Variants in RB1 observed in about 807,000 individuals in gnomAD.
The protein encoded by RB1 is RB transcriptional corepressor 1.
In RB1, 18 loss-of-function variants were observed where a neutral mutation model predicts 135.4. That is an observed-to-expected ratio of 0.13 (90% CI 0.09 to 0.20). The LOEUF (loss-of-function observed/expected upper bound fraction) is 0.20, where lower values mean the gene tolerates loss of function less well. RB1 is among the 10% of genes least tolerant of loss of function. The pLI, the probability that RB1 is intolerant of heterozygous loss-of-function variation, is 1.00. For missense variants in RB1, 868 were observed against 1,110.0 expected (o/e 0.78, Z 3.10); for synonymous variants, 365 against 373.2 (o/e 0.98, Z 0.25).
chr13:48,370,189 A>G (rs1490055133), intron 11 of RB1, among the ~76,000 whole-genome samples: 1 of 152,194 alleles, frequency 6.6e-6, no homozygotes, highest in African/African-American at 2.4e-5. Flanking sequence ...AGCATGTTCA[A>G]AGGGCTGGAA....
chr13:48,463,937 T>G lies in RB1; in HGVS notation c.2211+102T>G, dbSNP rs1949420902. 16 of 742,266 alleles carry G rather than the reference T, an allele frequency of 2.2e-5. No homozygotes were observed. The South Asian group carries it at 2.5e-4, about 12-fold the overall frequency. The allele number at this position is 742,266 out of a possible 1,614,324, so 46.0% of individuals were successfully genotyped here. Reference sequence around the variant, plus strand: ...TTTATTCATTAATGAGATCATATATTCTGTCTGACCTTATTATGTAAATTC... The same window carrying G: ...TTTATTCATTAATGAGATCATATATGCTGTCTGACCTTATTATGTAAATTC... On this transcript the variant is annotated intron_variant, in intron 21 of 26. Coordinates refer to ENST00000267163, the MANE Select transcript of RB1 (RefSeq NM_000321.3).
At chr13:48,371,574 A>G (rs1164190983) in intron 11 of RB1, among the ~76,000 whole-genome samples, 1 of 152,130 alleles carries the variant, frequency 6.6e-6, no homozygotes, top group East Asian at 1.9e-4. Context: ...ATTCATACTT[A>G]GAATGTTGTT....
At chr13:48,433,702 A>G (rs1472810167) in intron 17 of RB1, among the ~76,000 whole-genome samples, 1 of 126,980 alleles carries the variant, frequency 7.9e-6, no homozygotes, top group African/African-American at 2.8e-5. Context: ...TTTTACCTTT[A>G]GTAGGTATGC....
intron 19 of RB1, among the ~76,000 whole-genome samples, chr13:48,457,319 G>A (rs1472410009): frequency 6.6e-6 from 1 of 152,140 alleles, no homozygotes; most frequent in African/African-American, 2.4e-5. Context: ...GCAGCTGCTC[G>A]TCCTGACAAG....
chr13:48,474,053 A>G (rs1436772522), intron 24 of RB1, among the ~76,000 whole-genome samples: 1 of 152,188 alleles, frequency 6.6e-6, no homozygotes, highest in African/African-American at 2.4e-5. Context: ...GAAATATTAT[A>G]TAGGGTGAGG....
chr13:48,323,175 A>G (rs577776615), intron 2 of RB1, among the ~76,000 whole-genome samples: 6 of 152,192 alleles, frequency 3.9e-5, no homozygotes, highest in East Asian at 1.9e-4. Context: ...GAAAGTTTCA[A>G]AATTACTAAT....
chr13:48,478,648 A>G (rs556143812), intron 26 of RB1, among the ~76,000 whole-genome samples: 1 of 152,352 alleles, frequency 6.6e-6, no homozygotes, highest in South Asian at 2.1e-4. Flanking sequence ...GCCAAAGTTC[A>G]GGACCTTTGT....
At chr13:48,332,374 C>A (rs1490502683) in intron 2 of RB1, among the ~76,000 whole-genome samples, 2 of 152,150 alleles carry the variant, frequency 1.3e-5, no homozygotes, top group African/African-American at 4.8e-5. Flanking sequence ...TAGAGACCAA[C>A]TTGGGCAACA....
chr13:48,455,451 T>C (rs1258043804), intron 18 of RB1, among the ~76,000 whole-genome samples: 1 of 152,226 alleles, frequency 6.6e-6, no homozygotes, highest in East Asian at 1.9e-4. Flanking sequence ...CCTTCTAAAA[T>C]CATTGTGATA....
chr13:48,421,990 C>A (rs1398314064), intron 17 of RB1, among the ~76,000 whole-genome samples: 5 of 152,064 alleles, frequency 3.3e-5, no homozygotes, highest in African/African-American at 4.8e-5. Context: ...CCAGAAATAC[C>A]ATTTGACCCA....
chr13:48,362,736 C>T (rs1366446890), intron 7 of RB1, 79 bp from the exon 8 acceptor site: 3 of 1,438,452 alleles, frequency 2.1e-6, no homozygotes, highest in Admixed American at 1.7e-5. Context: ...TTATTTTTGA[C>T]CTAAGTTATA....
chr13:48,476,925 T>A (rs1460686240), intron 25 of RB1, 82 bp downstream of exon 25: 1 of 1,536,672 alleles, frequency 6.5e-7, no homozygotes, highest in African/African-American at 1.4e-5. Flanking sequence ...TCCTGGCTTA[T>A]ACCAATTTCT....
rs1215837980 is a variant in RB1 at position 48,382,638 on chromosome 13, G to T, written c.1695+1195G>T. ...GATTGTAAAAGTTTTCTCCCATTCT[G>T]TAGGTTGCCTGTTCACTCTGATCGT... is the stretch of plus-strand genomic sequence containing the variant. On this transcript the variant is annotated intron_variant, in intron 17 of 26. Coordinates refer to ENST00000267163, the MANE Select transcript of RB1 (RefSeq NM_000321.3). Among the ~76,000 whole-genome samples, 3 of 152,302 alleles carry T rather than the reference G, an allele frequency of 2.0e-5. No individual in the cohort carries two copies. In the East Asian group the frequency reaches 5.8e-4, roughly 29 times the overall value.
At chr13:48,324,849 TTTTTG>T (rs762917035) in intron 2 of RB1, among the ~76,000 whole-genome samples, 89 of 143,488 alleles carry the variant, frequency 6.2e-4, no homozygotes, top group Non-Finnish European at 1.1e-3. Flanking sequence ...TTTTGTTTTT[TTTTTG>T]TTTGTTTGTT....
chr13:48,374,250 A>C (rs992710456), intron 12 of RB1, among the ~76,000 whole-genome samples: 1 of 152,180 alleles, frequency 6.6e-6, no homozygotes, highest in East Asian at 1.9e-4. Flanking sequence ...CCTAAAGACA[A>C]GGAGAAAGAA....
At chr13:48,409,638 TGGC>T (rs1948774513) in intron 17 of RB1, among the ~76,000 whole-genome samples, 1 of 130,736 alleles carries the variant, frequency 7.6e-6, no homozygotes, top group Non-Finnish European at 1.6e-5. Flanking sequence ...TGGAGTGCAG[TGGC>T]GAGATCTTGG....
intron 2 of RB1, among the ~76,000 whole-genome samples, chr13:48,313,976 C>A (rs1003202220): frequency 6.6e-6 from 1 of 152,032 alleles, no homozygotes; most frequent in Non-Finnish European, 1.5e-5. Context: ...GTCTCGATCT[C>A]CTGACCTCGT....
intron 2 of RB1, among the ~76,000 whole-genome samples, chr13:48,324,946 A>G (rs1356082749): frequency 6.7e-6 from 1 of 150,372 alleles, no homozygotes. Context: ...CAATTTATTT[A>G]TTCTCATTAC....
chr13:48,413,619 T>G (rs905086480), intron 17 of RB1, among the ~76,000 whole-genome samples: 2 of 152,210 alleles, frequency 1.3e-5, no homozygotes, highest in African/African-American at 4.8e-5. Context: ...ATTTAATTGT[T>G]ATCATTATGA....
Sources: gnomAD v4.1 joint callset for allele counts (sites outside exome capture counted in the v4.1 genomes callset) on GRCh38, gnomAD v4.1.1 for gene constraint, MANE v1.5 for transcripts, NCBI Gene and HGNC (gene_info 2026-07-23, HGNC 2026-07-21) for gene names.